GALNT17: variants seen among roughly 807,000 people sequenced by gnomAD.
The protein encoded by GALNT17 is polypeptide N-acetylgalactosaminyltransferase 17.
In GALNT17, 29 loss-of-function variants were observed where a neutral mutation model predicts 63.7. The ratio of observed to expected loss-of-function variants is 0.46; its 90% CI spans 0.34 to 0.62. GALNT17 has a LOEUF of 0.62. Ranked by LOEUF, GALNT17 falls within the 20% of genes least tolerant of loss-of-function variation. The probability of loss-of-function intolerance (pLI) is 0.01; values close to 1 mark genes in which losing one functional copy is unlikely to be tolerated. For synonymous variants in GALNT17, 305 were observed against 318.3 expected (o/e 0.96, Z 0.45); for missense variants, 603 against 799.6 (o/e 0.75, Z 2.97).
intron 5 of GALNT17, among the ~76,000 whole-genome samples, chr7:71,442,704 T>TAGTA (rs1009293660): frequency 2.0e-5 from 3 of 152,122 alleles, no homozygotes; most frequent in Non-Finnish European, 4.4e-5. Flanking sequence ...GTCATTCTGG[T>TAGTA]AGTACATCCT....
intron 6 of GALNT17, among the ~76,000 whole-genome samples, chr7:71,661,200 C>G (rs2117038254): frequency 6.6e-6 from 1 of 152,288 alleles, no homozygotes; most frequent in Admixed American, 6.5e-5. Context: ...TGTAGGTCAG[C>G]TCTCCCAGGG....
intron 9 of GALNT17, among the ~76,000 whole-genome samples, chr7:71,680,696 CTTT>C (rs1310991722): frequency 3.7e-5 from 1 of 27,084 alleles, no homozygotes; most frequent in African/African-American, 8.6e-5. Flanking sequence ...CTTTCCTTTC[CTTT>C]CTTTTCCTTC....
In GALNT17 at chr7:71,627,424, G is replaced by T. The variant is rs994700853; in HGVS notation, c.1081-37987G>T. On this transcript the variant is annotated intron_variant, in intron 6 of 10. Coordinates refer to ENST00000333538, the MANE Select transcript of GALNT17 (RefSeq NM_022479.3). ...ACAGAGACAGACCCGGTCTCGAAAA[G>T]AAAATAAAAGGAAAAGAAAGAAACA... Among the ~76,000 whole-genome samples, 10 of 152,278 alleles carry T rather than the reference G, an allele frequency of 6.6e-5. No homozygotes were observed. The East Asian group carries it at 1.6e-3, about 24-fold the overall frequency.
intron 2 of GALNT17, among the ~76,000 whole-genome samples, chr7:71,341,536 GTCC>G (rs1489993489): frequency 5.3e-5 from 8 of 152,150 alleles, no homozygotes; most frequent in African/African-American, 1.9e-4. Context: ...TGAAGAAAAA[GTCC>G]TGAAAGCTTT....
rs550768843 is a variant in GALNT17 at position 71,516,988 on chromosome 7, A to G, written c.963-54297A>G. ...TGGGATAAATGTCTTCCTGGCCAAC[A>G]TTTATATTCTATTTCTTGTCGCCAT... On this transcript the variant is annotated intron_variant, in intron 5 of 10. Transcript: ENST00000333538. Among the ~76,000 whole-genome samples, 6 of 152,254 alleles carry G rather than the reference A, an allele frequency of 3.9e-5. No homozygotes were observed. The South Asian group carries it at 1.0e-3, about 26-fold the overall frequency.
intron 1 of GALNT17, among the ~76,000 whole-genome samples, chr7:71,181,301 C>G (rs1306727196): frequency 6.6e-6 from 1 of 150,794 alleles, no homozygotes; most frequent in East Asian, 1.9e-4. Context: ...ATTTGTGCAC[C>G]AACCTAATAT....
chr7:71,322,173 C>CT (rs1791629007), intron 1 of GALNT17, among the ~76,000 whole-genome samples: 1 of 151,780 alleles, frequency 6.6e-6, no homozygotes, highest in Admixed American at 6.6e-5. Flanking sequence ...AGGCTGGTCT[C>CT]TAACTTCTAG....
chr7:71,435,233 G>C (rs183180149), intron 5 of GALNT17, among the ~76,000 whole-genome samples: 7 of 152,248 alleles, frequency 4.6e-5, no homozygotes, highest in Non-Finnish European at 8.8e-5. Flanking sequence ...TTATGACTGA[G>C]ACGGTGAAAA....
chr7:71,650,565 C>G (rs1048019230), intron 6 of GALNT17, among the ~76,000 whole-genome samples: 2 of 152,200 alleles, frequency 1.3e-5, no homozygotes, highest in Non-Finnish European at 2.9e-5. Flanking sequence ...AGGATGTGGA[C>G]AGACCCGTCC....
chr7:71,194,697 T>C (rs1288260799), intron 1 of GALNT17, among the ~76,000 whole-genome samples: 1 of 152,202 alleles, frequency 6.6e-6, no homozygotes, highest in Non-Finnish European at 1.5e-5. Context: ...AATTGGGTTC[T>C]TGGATATGAT....
At position 71,289,708 on chromosome 7, in the gene GALNT17, C is replaced by T. The variant is rs552081709; in HGVS notation, c.239-45842C>T. Among the ~76,000 whole-genome samples the T allele has an allele frequency of 6.8e-4, 103 of 152,018 alleles. 1 individual carries two copies. Among genetic ancestry groups the T allele is most frequent in the African/African-American group, 2.3e-3 (94 of 41,482 alleles). ...CAGCCTGACCAAGATAGAGAAACCC[C>T]GTCTCTACTAAAAAAACAAAATTAG... On this transcript the variant is annotated intron_variant, in intron 1 of 10. Transcript: ENST00000333538.
chr7:71,259,877 G>A (rs1302172896), intron 1 of GALNT17, among the ~76,000 whole-genome samples: 2 of 151,840 alleles, frequency 1.3e-5, no homozygotes, highest in African/African-American at 2.4e-5. Flanking sequence ...TCCTGACCTC[G>A]TGATCCACCC....
At chr7:71,228,027 G>C (rs1251176971) in intron 1 of GALNT17, among the ~76,000 whole-genome samples, 1 of 152,190 alleles carries the variant, frequency 6.6e-6, no homozygotes, top group Non-Finnish European at 1.5e-5. Context: ...ACAGTGGCCT[G>C]AGAGGACCCC....
At chr7:71,489,468 T>C (rs534693311) in intron 5 of GALNT17, among the ~76,000 whole-genome samples, 3 of 152,344 alleles carry the variant, frequency 2.0e-5, no homozygotes, top group South Asian at 4.1e-4. Flanking sequence ...TCTGAGCCTG[T>C]GTCTTCATCT....
rs1441040272 is a variant in GALNT17, at chr7:71,665,452, A to T, written c.1122A>T (p.Ser374=). 5 of 1,612,700 alleles carry T rather than the reference A, an allele frequency of 3.1e-6. No individual in the cohort carries two copies. The highest frequency in any genetic ancestry group is 4.2e-6 in the Non-Finnish European group (5 of 1,179,938). Residue 374 remains serine (S), a synonymous_variant, in exon 7 of 11, where the codon TCA becomes TCT. Transcript: ENST00000333538. ...GCAGCATGGAGGTCCTTCCTTGCTC[A>T]CGGGTGGCCCACATTGAGCGGAAGA... ...CGGSMEVLPC[S]RVAHIERKKK...
chr7:71,364,562 T>C (rs185070541), intron 2 of GALNT17, among the ~76,000 whole-genome samples: 119 of 152,296 alleles, frequency 7.8e-4, no homozygotes, highest in African/African-American at 2.8e-3. Context: ...TATGGGGTAG[T>C]GCAGATGTGT....
At chr7:71,533,025 A>G (rs1057094669) in intron 5 of GALNT17, among the ~76,000 whole-genome samples, 3 of 152,190 alleles carry the variant, frequency 2.0e-5, no homozygotes, top group African/African-American at 7.2e-5. Context: ...CTCTTTGACT[A>G]AACACTCAGA....
intron 9 of GALNT17, among the ~76,000 whole-genome samples, chr7:71,707,012 G>A (rs962664899): frequency 3.3e-5 from 5 of 152,132 alleles, no homozygotes; most frequent in African/African-American, 4.8e-5. Flanking sequence ...AAAAGAAAGC[G>A]GCCAGCACCC....
chr7:71,699,243 G>C (rs1791591419), intron 9 of GALNT17, among the ~76,000 whole-genome samples: 1 of 150,724 alleles, frequency 6.6e-6, no homozygotes, highest in African/African-American at 2.4e-5. Context: ...ACTTCTTGAG[G>C]CCGAGGCCGG....
Sources: gnomAD v4.1 joint callset for allele counts (sites outside exome capture counted in the v4.1 genomes callset) on GRCh38, gnomAD v4.1.1 for gene constraint, MANE v1.5 for transcripts, NCBI Gene and HGNC (gene_info 2026-07-23, HGNC 2026-07-21) for gene names.